The following SP4 variants were observed in gnomAD, a reference collection of about 807,000 sequenced individuals.
SP4 encodes the protein Sp4 transcription factor, also known as transcription factor Sp4.
In SP4, 19 loss-of-function variants were observed where a neutral mutation model predicts 72.8. That is an observed-to-expected ratio of 0.26 (90% CI 0.18 to 0.38). The LOEUF (loss-of-function observed/expected upper bound fraction) is 0.38, where lower values mean the gene tolerates loss of function less well. Ranked by LOEUF, SP4 falls within the 10% of genes least tolerant of loss-of-function variation. The probability of loss-of-function intolerance (pLI) is 1.00; values close to 1 mark genes in which losing one functional copy is unlikely to be tolerated. For missense variants in SP4, 1,008 were observed against 926.3 expected, an observed-to-expected ratio of 1.09 and a Z score of -1.14; for synonymous variants, 395 against 333.1, an observed-to-expected ratio of 1.19 and a Z score of -2.02.
At chr7:21,460,303 A>G (rs754261110) in intron 3 of SP4, among the ~76,000 whole-genome samples, 4 of 152,006 alleles carry the variant, frequency 2.6e-5, no homozygotes, top group Admixed American at 6.5e-5. Context: ...TGGTGGGTTT[A>G]TGGTCTTACT....
At chr7:21,431,369 A>G (rs910108537) in intron 3 of SP4, among the ~76,000 whole-genome samples, 2 of 152,200 alleles carry the variant, frequency 1.3e-5, no homozygotes, top group African/African-American at 4.8e-5. Context: ...TAAACTAGAT[A>G]CTGATGCAGT....
chr7:21,463,143 A>G (rs527467164), intron 3 of SP4, among the ~76,000 whole-genome samples: 1 of 152,060 alleles, frequency 6.6e-6, no homozygotes, highest in East Asian at 1.9e-4. Flanking sequence ...AGATTTTAAA[A>G]AGGTGAGTCA....
At chr7:21,480,797 A>G (rs891565712) in intron 4 of SP4, among the ~76,000 whole-genome samples, 3 of 152,186 alleles carry the variant, frequency 2.0e-5, no homozygotes, top group African/African-American at 4.8e-5. Flanking sequence ...TCTTCTCCCA[A>G]TTAACTGCCT....
At chr7:21,460,891 A>G (rs1446628213) in intron 3 of SP4, among the ~76,000 whole-genome samples, 1 of 152,164 alleles carries the variant, frequency 6.6e-6, no homozygotes, top group East Asian at 1.9e-4. Context: ...CTAGACACAG[A>G]GTGCCGATTG....
intron 5 of SP4, among the ~76,000 whole-genome samples, chr7:21,500,539 G>C (rs1442747775): frequency 2.0e-5 from 3 of 152,152 alleles, no homozygotes; most frequent in African/African-American, 7.2e-5. Flanking sequence ...GGAGAAACCT[G>C]CTTCCAAAGT....
At chr7:21,502,548 G>A (rs892845359) in intron 5 of SP4, among the ~76,000 whole-genome samples, 5 of 152,022 alleles carry the variant, frequency 3.3e-5, no homozygotes, top group African/African-American at 1.2e-4. Flanking sequence ...CCATCCTAGG[G>A]GAAATGGAAC....
At chr7:21,477,407 C>T (rs568615631) in intron 4 of SP4, 100 bp downstream of exon 4, 2 of 707,536 alleles carry the variant, frequency 2.8e-6, no homozygotes, top group Non-Finnish European at 5.0e-6. Flanking sequence ...AACTTCATTA[C>T]CTTTGTAGCC....
chr7:21,464,807 T>C (rs1784116807), intron 3 of SP4, among the ~76,000 whole-genome samples: 1 of 152,182 alleles, frequency 6.6e-6, no homozygotes, highest in African/African-American at 2.4e-5. Flanking sequence ...TAAAAGTTGG[T>C]GATAGAGGCT....
rs1287518622 is a variant in SP4, at chr7:21,478,936, C to T, written c.1907+1629C>T. On this transcript the variant is annotated intron_variant, in intron 4 of 5. Transcript: ENST00000222584. Reference sequence around the variant, plus strand: ...ATACAAAATTAGCCAAGCATGGTAGCGCATGCTTGTAATCCCAGCAACTCG... The same window carrying T: ...ATACAAAATTAGCCAAGCATGGTAGTGCATGCTTGTAATCCCAGCAACTCG... Among the ~76,000 whole-genome samples the T allele has an allele frequency of 2.0e-5, 3 of 151,748 alleles. 1 individual carries two copies. The highest frequency in any genetic ancestry group is 1.3e-4 in the Admixed American group (2 of 15,242).
chr7:21,482,744 A>T, intron 5 of SP4: 1 of 980,770 alleles, frequency 1.0e-6, no homozygotes, highest in Non-Finnish European at 1.2e-6. Context: ...ATCTACATAA[A>T]AAATGTTTTG....
intron 3 of SP4, among the ~76,000 whole-genome samples, chr7:21,440,688 A>C (rs1470269791): frequency 5.3e-5 from 8 of 152,050 alleles, no homozygotes; most frequent in Admixed American, 2.6e-4. Context: ...GTCTCTACTA[A>C]AAATACAAAA....
chr7:21,451,053 G>A (rs911665095), intron 3 of SP4, among the ~76,000 whole-genome samples: 1 of 152,186 alleles, frequency 6.6e-6, no homozygotes, highest in Non-Finnish European at 1.5e-5. Flanking sequence ...TCTTCCCTTG[G>A]GTTGGGCTGT....
chr7:21,443,096 A>G (rs1783312122), intron 3 of SP4, among the ~76,000 whole-genome samples: 1 of 152,232 alleles, frequency 6.6e-6, no homozygotes, highest in Admixed American at 6.5e-5. Flanking sequence ...TTCATATAAA[A>G]GTTGAATTGT....
At chr7:21,486,251 G>A (rs10274755) in intron 5 of SP4, among the ~76,000 whole-genome samples, 5,356 of 151,302 alleles carry the variant, frequency 0.035, 338 homozygotes, top group East Asian at 0.26. Flanking sequence ...TTTATACTTA[G>A]AGAAGAGTTG....
rs150552944 is a variant in SP4 at position 21,485,312 on chromosome 7, A to G, written c.2107+3189A>G. ...GGAGTTATTTGTATTCACTGCTGAA[A>G]ATAGTGATCTGTTTGCTTTTTAAAA... On this transcript the variant is annotated intron_variant, in intron 5 of 5. Transcript: ENST00000222584. Among the ~76,000 whole-genome samples the G allele has an allele frequency of 2.5e-3, 376 of 152,076 alleles. 11 individuals are homozygous for G. Among genetic ancestry groups the G allele is most frequent in the Admixed American group, 0.024 (360 of 15,282 alleles).
In SP4 at chr7:21,481,925, G is replaced by A. The variant is rs1197477274; in HGVS notation, c.1909G>A (p.Gly637Ser). Residue 637 changes from glycine (G) to serine (S), a missense_variant and splice_region_variant, in exon 5 of 6, where the codon GGC (glycine) becomes AGC (serine). Transcript: ENST00000222584. The stretch of plus-strand genomic sequence containing the variant: ...ATGTTCGGTTTTTGTTTTTGCTAGA[G>A]GCAGTAATGAACCAGGAAAAAAGAA... Reference protein sequence around the residue: ...CPNCREGEGRGSNEPGKKKQH... With the variant: ...CPNCREGEGRSSNEPGKKKQH... 6.8e-6 allele frequency: 11 copies of A among 1,612,530 alleles called. No homozygotes were observed. Among genetic ancestry groups the A allele is most frequent in the Non-Finnish European group, 8.5e-6 (10 of 1,178,820 alleles).
At chr7:21,484,033 A>G (rs540867782) in intron 5 of SP4, among the ~76,000 whole-genome samples, 3 of 152,028 alleles carry the variant, frequency 2.0e-5, no homozygotes, top group African/African-American at 7.2e-5. Flanking sequence ...AACAACAGCA[A>G]CACCGGCATA....
At chr7:21,497,116 C>G (rs1260048088) in intron 5 of SP4, among the ~76,000 whole-genome samples, 1 of 152,218 alleles carries the variant, frequency 6.6e-6, no homozygotes, top group Admixed American at 6.5e-5. Context: ...ATACTTGCTT[C>G]TAATTGTTTT....
At chr7:21,444,458 G>A (rs1433343935) in intron 3 of SP4, among the ~76,000 whole-genome samples, 1 of 152,108 alleles carries the variant, frequency 6.6e-6, no homozygotes, top group Admixed American at 6.5e-5. Context: ...TCTCCTTTCA[G>A]GTATAAAAAC....
Sources: gnomAD v4.1 joint callset for allele counts (sites outside exome capture counted in the v4.1 genomes callset) on GRCh38, gnomAD v4.1.1 for gene constraint, MANE v1.5 for transcripts, NCBI Gene and HGNC (gene_info 2026-07-23, HGNC 2026-07-21) for gene names.